Variants in TLR7 observed in about 807,000 individuals in gnomAD.
TLR7 encodes the protein toll like receptor 7.
TLR7 carries 12 observed loss-of-function variants against 38.3 expected under a neutral mutation model. The ratio of observed to expected loss-of-function variants is 0.31; its 90% confidence interval spans 0.20 to 0.51. The LOEUF (loss-of-function observed/expected upper bound fraction) is 0.51. Ranked by LOEUF, TLR7 falls within the 20% of genes least tolerant of loss-of-function variation. The pLI is 0.98. For synonymous variants in TLR7, 285 were observed against 293.8 expected, an observed-to-expected ratio of 0.97 and a Z score of 0.31; for missense variants, 504 against 743.4, an observed-to-expected ratio of 0.68 and a Z score of 3.74.
intron 2 of TLR7, among the ~76,000 whole-genome samples, chrX:12,875,369 T>C (rs760244414): frequency 8.9e-6 from 1 of 112,250 alleles, no homozygotes; most frequent in Admixed American, 9.4e-5. Context: ...CACAGTACCT[T>C]GCACAGAGTA....
intron 2 of TLR7, 106 bp from the exon 3 acceptor site, chrX:12,885,406 T>G: frequency 1.4e-6 from 1 of 723,584 alleles, no homozygotes; most frequent in Non-Finnish European, 2.1e-6. Flanking sequence ...AAGACCTGAA[T>G]TGTTTATTTT....
Position 12,867,508 on chromosome X carries a change from G to C in TLR7, c.-71G>C, listed in dbSNP as rs745983260. 8.4e-6 allele frequency: 9 copies of C among 1,071,736 alleles called. No individual in the cohort carries two copies. Among genetic ancestry groups the C allele is most frequent in the Non-Finnish European group, 1.0e-5 (8 of 775,473 alleles). The allele number at this position is 1,071,736 out of a possible 1,213,427, so 88.3% of individuals were successfully genotyped here. ...GATGCTATTGGGCCCATCTCAAGCT[G>C]ATCTTGGCACCTCTCATGCTCTGCT... On this transcript the variant is annotated 5_prime_UTR_variant, in exon 2 of 3. Coordinates refer to ENST00000380659, the MANE Select transcript of TLR7 (RefSeq NM_016562.4).
rs1333091687 is a variant in TLR7 at position 12,889,030 on chromosome X, G to T, written c.*372G>T. 1.5e-5 allele frequency: 2 copies of T among 136,654 alleles called. No individual in the cohort carries two copies. The highest frequency in any genetic ancestry group is 2.9e-5 in the Non-Finnish European group (2 of 70,023). 11.3% of individuals were successfully genotyped at this position (136,654 alleles called of 1,213,427 possible). On this transcript the variant is annotated 3_prime_UTR_variant, in exon 3 of 3. Transcript: ENST00000380659. ...CCCTTAAAAAGTACTGGTATATACAGAAATAGGGTTAAAAAAAACTCAAGC... is the reference window on the plus strand; with the variant it reads ...CCCTTAAAAAGTACTGGTATATACATAAATAGGGTTAAAAAAAACTCAAGC...
In TLR7 at chrX:12,887,476, C is replaced by T. The variant is rs2042915508; in HGVS notation, c.1968C>T (p.Asp656=). The T allele has an allele frequency of 8.3e-7, 1 of 1,208,949 alleles. No individual in the cohort carries two copies. The highest frequency in any genetic ancestry group is 1.7e-5 in the African/African-American group (1 of 57,742). Reference sequence around the variant, plus strand: ...ATCTGCTAAAATTAGAGGAATTAGACATCTCTAAAAATTCCCTAAGTTTCT... The same window carrying T: ...ATCTGCTAAAATTAGAGGAATTAGATATCTCTAAAAATTCCCTAAGTTTCT... ...FKNLLKLEEL[D]ISKNSLSFLP... Residue 656 remains aspartate, a synonymous_variant, in exon 3 of 3, where the codon GAC becomes GAT. Transcript: ENST00000380659.
chrX:12,887,497 T>G lies in TLR7; in HGVS notation c.1989T>G (p.Ser663Arg), dbSNP rs762017849. 1.7e-6 allele frequency: 2 copies of G among 1,210,951 alleles called. No homozygotes were observed. Among genetic ancestry groups the G allele is most frequent in the East Asian group, 5.9e-5 (2 of 33,856 alleles). The change falls in exon 3 of 3, where the codon AGT becomes AGG. Residue 663 changes from serine to arginine, a missense_variant. By Grantham distance (110) the Ser-to-Arg change is moderately radical (BLOSUM62 -1). Coordinates refer to ENST00000380659, the MANE Select transcript of TLR7 (RefSeq NM_016562.4). The stretch of plus-strand genomic sequence containing the variant: ...TAGACATCTCTAAAAATTCCCTAAG[T>G]TTCTTGCCTTCTGGAGTTTTTGATG... ...EELDISKNSLSFLPSGVFDGM... is the reference protein window; with the variant it reads ...EELDISKNSLRFLPSGVFDGM...
intron 2 of TLR7, among the ~76,000 whole-genome samples, chrX:12,869,931 T>G (rs1404433786): frequency 9.1e-6 from 1 of 109,511 alleles, no homozygotes; most frequent in East Asian, 2.8e-4. Flanking sequence ...TCAAATCATG[T>G]TTTTTAAAAT....
intron 2 of TLR7, among the ~76,000 whole-genome samples, chrX:12,874,741 A>T (rs778769382): frequency 8.9e-6 from 1 of 112,124 alleles, no homozygotes; most frequent in South Asian, 3.7e-4. Flanking sequence ...AGAATAAATA[A>T]ACACGAGGAG....
At chrX:12,872,250 T>C (rs1014658052) in intron 2 of TLR7, among the ~76,000 whole-genome samples, 1 of 111,783 alleles carries the variant, frequency 8.9e-6, no homozygotes, top group African/African-American at 3.3e-5. Flanking sequence ...AACAATCATA[T>C]ACTGCTTTCT....
chrX:12,879,086 T>G (rs1441960379), intron 2 of TLR7, among the ~76,000 whole-genome samples: 1 of 111,934 alleles, frequency 8.9e-6, no homozygotes, highest in Non-Finnish European at 1.9e-5. Flanking sequence ...CAGTCCTATT[T>G]CATTTCTCTT....
intron 2 of TLR7, among the ~76,000 whole-genome samples, 187 bp downstream of exon 2, chrX:12,867,768 T>C (rs780188385): frequency 8.9e-6 from 1 of 112,736 alleles, no homozygotes; most frequent in East Asian, 2.8e-4. Flanking sequence ...TAATCAACGC[T>C]TGCTCTGTTC....
At chrX:12,879,836 CATT>C (rs2042885025) in intron 2 of TLR7, among the ~76,000 whole-genome samples, 1 of 111,742 alleles carries the variant, frequency 8.9e-6, no homozygotes, top group African/African-American at 3.3e-5. Flanking sequence ...GAGGTTCTGT[CATT>C]ATGAGATGAG....
chrX:12,881,053 C>G (rs1370002775), intron 2 of TLR7, among the ~76,000 whole-genome samples: 2 of 109,270 alleles, frequency 1.8e-5, no homozygotes, highest in Non-Finnish European at 3.8e-5. Flanking sequence ...ATGGTGAAAC[C>G]CCGTCTCTAC....
At chrX:12,868,810 A>T (rs2042842471) in intron 2 of TLR7, among the ~76,000 whole-genome samples, 1 of 111,682 alleles carries the variant, frequency 9.0e-6, no homozygotes, top group Admixed American at 9.6e-5. Context: ...AGCATTAACC[A>T]TGGGGCTATT....
chrX:12,880,515 C>A (rs1463343761), intron 2 of TLR7, among the ~76,000 whole-genome samples: 1 of 111,935 alleles, frequency 8.9e-6, no homozygotes, highest in Admixed American at 9.4e-5. Flanking sequence ...GAAAACAGAG[C>A]TTCTTAAACC....
Position 12,886,173 on chromosome X carries a change from T to G in TLR7, c.665T>G (p.Val222Gly). ...AACAATGTCACAGCCGTCCCTACTGTTTTGCCATCTACTTTAACAGAACTA... is the reference window on the plus strand; with the variant it reads ...AACAATGTCACAGCCGTCCCTACTGGTTTGCCATCTACTTTAACAGAACTA... Reference protein sequence around the residue: ...KDNNVTAVPTVLPSTLTELYL... With the variant: ...KDNNVTAVPTGLPSTLTELYL... Residue 222 changes from valine (V) to glycine (G), a missense_variant, in exon 3 of 3, where the codon GTT becomes GGT. Physicochemically the swap from Val to Gly is moderately radical, Grantham distance 109. Coordinates refer to ENST00000380659, the MANE Select transcript of TLR7 (RefSeq NM_016562.4). The G allele has an allele frequency of 8.3e-7, 1 of 1,211,376 alleles. No homozygotes were observed. The highest frequency in any genetic ancestry group is 1.1e-6 in the Non-Finnish European group (1 of 895,025).
intron 2 of TLR7, among the ~76,000 whole-genome samples, chrX:12,881,088 C>A (rs193145190): frequency 9.1e-6 from 1 of 109,462 alleles, no homozygotes; most frequent in East Asian, 2.9e-4. Context: ...TTAGCCAGGC[C>A]TGGTGGTGCA....
chrX:12,886,827 G>C lies in TLR7; in HGVS notation c.1319G>C (p.Ser440Thr), dbSNP rs1372879708. The change falls in exon 3 of 3, where the codon AGT becomes ACT. Residue 440 changes from serine to threonine, a missense_variant. Ser to Thr is a moderately conservative substitution (Grantham distance 58, BLOSUM62 1). Transcript: ENST00000380659. The stretch of plus-strand genomic sequence containing the variant: ...AAAATATCACCTTCAGGAGATTCAA[G>C]TGAAGTTGGCTTCTGCTCAAATGCC... ...VNKISPSGDS[S>T]EVGFCSNART... 8.3e-7 allele frequency: 1 copy of C among 1,210,611 alleles called. No homozygotes were observed. The highest frequency in any genetic ancestry group is 1.1e-6 in the Non-Finnish European group (1 of 894,693).
chrX:12,870,696 T>C (rs2042849391), intron 2 of TLR7, among the ~76,000 whole-genome samples: 1 of 111,577 alleles, frequency 9.0e-6, no homozygotes, highest in African/African-American at 3.3e-5. Flanking sequence ...GACTGAAAAA[T>C]ATCAGAGCAA....
chrX:12,869,904 G>A (rs755063480), intron 2 of TLR7, among the ~76,000 whole-genome samples: 75 of 107,085 alleles, frequency 7.0e-4, no homozygotes, highest in African/African-American at 2.4e-3. Context: ...CTCATTAAAT[G>A]GAATATTATG....
Sources: gnomAD v4.1 joint callset for allele counts (sites outside exome capture counted in the v4.1 genomes callset) on GRCh38, gnomAD v4.1.1 for gene constraint, MANE v1.5 for transcripts, NCBI Gene and HGNC (gene_info 2026-07-23, HGNC 2026-07-21) for gene names.